TENM3: variants seen among roughly 807,000 people sequenced by gnomAD.
TENM3 encodes the protein teneurin-3.
A neutral mutation model predicts 255.1 loss-of-function variants in TENM3; 63 were observed. The ratio of observed to expected loss-of-function variants is 0.25; its 90% confidence interval spans 0.20 to 0.30. TENM3 has a LOEUF of 0.30. TENM3 is among the 10% of genes least tolerant of loss of function. The probability of loss-of-function intolerance (pLI) is 1.00; values close to 1 mark genes in which losing one functional copy is unlikely to be tolerated. For synonymous variants in TENM3, 1,306 were observed against 1,322.3 expected, an observed-to-expected ratio of 0.99 and a Z score of 0.27; for missense variants, 2,929 against 3,461.1, an observed-to-expected ratio of 0.85 and a Z score of 3.86.
chr4:182,741,227 C>T (rs1379664953), intron 18 of TENM3, among the ~76,000 whole-genome samples: 2 of 152,082 alleles, frequency 1.3e-5, no homozygotes, highest in African/African-American at 4.8e-5. Flanking sequence ...GTGAGATAAC[C>T]TCAGCCACAG....
chr4:181,494,458 G>C, the TENM3 span, among the ~76,000 whole-genome samples: 1 of 151,914 alleles, frequency 6.6e-6, no homozygotes, highest in African/African-American at 2.4e-5. Flanking sequence ...CTAATTTTTT[G>C]TATTTTTAAT....
At chr4:181,700,108 C>A in the TENM3 span, among the ~76,000 whole-genome samples, 1 of 152,018 alleles carries the variant, frequency 6.6e-6, no homozygotes, top group African/African-American at 2.4e-5. Context: ...AGACACTGAC[C>A]GCGTGAAACA....
chr4:181,657,439 A>C, the TENM3 span, among the ~76,000 whole-genome samples: 1 of 152,216 alleles, frequency 6.6e-6, no homozygotes, highest in Non-Finnish European at 1.5e-5. Context: ...ACTAACCATC[A>C]GAGAAATGCA....
the TENM3 span, among the ~76,000 whole-genome samples, chr4:182,118,027 T>C: frequency 1.3e-5 from 2 of 152,162 alleles, no homozygotes; most frequent in Non-Finnish European, 2.9e-5. Flanking sequence ...TGATGGTGCA[T>C]TTTTATTTTC....
the TENM3 span, among the ~76,000 whole-genome samples, chr4:181,604,074 T>C: frequency 1.3e-5 from 2 of 151,854 alleles, no homozygotes; most frequent in Admixed American, 6.6e-5. Flanking sequence ...ACCATCCTGG[T>C]TAACACGGTG....
the TENM3 span, among the ~76,000 whole-genome samples, chr4:181,668,231 G>C: frequency 6.6e-6 from 1 of 152,178 alleles, no homozygotes; most frequent in Admixed American, 6.5e-5. Flanking sequence ...ACAGTTGTCT[G>C]TCTGGCTTTC....
the TENM3 span, among the ~76,000 whole-genome samples, chr4:181,765,687 A>G: frequency 1.3e-5 from 2 of 152,204 alleles, no homozygotes; most frequent in African/African-American, 4.8e-5. Flanking sequence ...AAATACATAA[A>G]TAATGAGGCA....
the TENM3 span, among the ~76,000 whole-genome samples, chr4:182,034,145 A>G: frequency 6.6e-6 from 1 of 152,184 alleles, no homozygotes; most frequent in Non-Finnish European, 1.5e-5. Flanking sequence ...TAAAACCATA[A>G]GATCTCATGA....
At chr4:181,641,524 T>C in the TENM3 span, among the ~76,000 whole-genome samples, 2 of 129,362 alleles carry the variant, frequency 1.5e-5, no homozygotes, top group African/African-American at 3.0e-5. Flanking sequence ...CATCCTTTTT[T>C]GTGGCTGCAT....
the TENM3 span, among the ~76,000 whole-genome samples, chr4:181,543,331 A>T: frequency 6.6e-6 from 1 of 152,080 alleles, no homozygotes; most frequent in Non-Finnish European, 1.5e-5. Context: ...ATAAAATGTA[A>T]GGGGAGGGGA....
the TENM3 span, among the ~76,000 whole-genome samples, chr4:181,573,188 C>A: frequency 4.6e-5 from 7 of 152,050 alleles, no homozygotes; most frequent in African/African-American, 1.7e-4. Context: ...TTGTGAATAG[C>A]GCTGCAGTAA....
At chr4:182,687,157 TTC>T (rs1470579161) in intron 11 of TENM3, among the ~76,000 whole-genome samples, 16 of 152,314 alleles carry the variant, frequency 1.1e-4, no homozygotes, top group African/African-American at 3.6e-4. Flanking sequence ...TTAGTACATT[TTC>T]TGTTTGTTAG....
the TENM3 span, among the ~76,000 whole-genome samples, chr4:181,525,396 CAA>C: frequency 0.066 from 6,415 of 97,330 alleles, 211 homozygotes; most frequent in Middle Eastern, 0.15. Flanking sequence ...GACCCTGTTT[CAA>C]AAAAAAAAAA....
At chr4:182,222,249 G>A (rs756601458) in intron 1 of TENM3, among the ~76,000 whole-genome samples, 4 of 152,240 alleles carry the variant, frequency 2.6e-5, no homozygotes, top group South Asian at 4.1e-4. Context: ...AAACCAACCC[G>A]CAGGTTGTCA....
chr4:181,660,293 T>C, the TENM3 span, among the ~76,000 whole-genome samples: 1 of 152,172 alleles, frequency 6.6e-6, no homozygotes, highest in South Asian at 2.1e-4. Context: ...GTTCTGTTTA[T>C]TGTGCCCAGT....
the TENM3 span, among the ~76,000 whole-genome samples, chr4:181,687,297 G>A: frequency 6.6e-6 from 1 of 152,106 alleles, no homozygotes; most frequent in African/African-American, 2.4e-5. Context: ...GTAATGAAAC[G>A]ATTTAATCCC....
chr4:182,661,423 G>A (rs1053736385), intron 6 of TENM3, among the ~76,000 whole-genome samples: 10 of 152,066 alleles, frequency 6.6e-5, no homozygotes, highest in African/African-American at 2.4e-4. Context: ...GCAGGTTGCA[G>A]ATTCCCTGTG....
At chr4:181,826,952 G>T in the TENM3 span, among the ~76,000 whole-genome samples, 1 of 152,204 alleles carries the variant, frequency 6.6e-6, no homozygotes, top group Admixed American at 6.5e-5. Flanking sequence ...CAGGAAAGAA[G>T]TGTGGTGTTG....
chr4:181,797,258 A>G, the TENM3 span, among the ~76,000 whole-genome samples: 1 of 151,622 alleles, frequency 6.6e-6, no homozygotes, highest in Non-Finnish European at 1.5e-5. Flanking sequence ...ACTGCTCACC[A>G]TGATCAACAT....
Sources: gnomAD v4.1 joint callset for allele counts (sites outside exome capture counted in the v4.1 genomes callset) on GRCh38, gnomAD v4.1.1 for gene constraint, MANE v1.5 for transcripts, NCBI Gene and HGNC (gene_info 2026-07-23, HGNC 2026-07-21) for gene names.